PDZD2: variants seen among roughly 807,000 people sequenced by gnomAD.
PDZD2 encodes the protein PDZ domain containing 2, also known as PDZ domain-containing protein 2.
Under a neutral mutation model 220.7 loss-of-function variants are expected in PDZD2, and 90 were observed. The ratio of observed to expected loss-of-function variants is 0.41; its 90% CI spans 0.34 to 0.49. The LOEUF (loss-of-function observed/expected upper bound fraction) is 0.49, where lower values mean the gene tolerates loss of function less well. PDZD2 is among the 20% of genes least tolerant of loss of function. The pLI is 0.28. For synonymous variants in PDZD2, 1,375 were observed against 1,450.5 expected (o/e 0.95, Z 1.18); for missense variants, 3,174 against 3,608.5 (o/e 0.88, Z 3.08).
chr5:32,059,179 AT>A, intron 12 of PDZD2, 59 bp from the exon 13 acceptor site: 1 of 882,030 alleles, frequency 1.1e-6, no homozygotes, highest in Non-Finnish European at 1.9e-6. Flanking sequence ...TCAGTTACAC[AT>A]TTTTTCTAGT....
At chr5:31,743,871 ATGAC>A (rs1750420804) in intron 1 of PDZD2, 1 of 152,234 alleles carries the variant, frequency 6.6e-6, no homozygotes, top group Non-Finnish European at 1.5e-5. Context: ...AATCCAGACA[ATGAC>A]TGTGCATTTT....
intron 1 of PDZD2, among the ~76,000 whole-genome samples, chr5:31,687,794 G>A (rs1484616744): frequency 5.9e-5 from 9 of 152,180 alleles, no homozygotes; most frequent in East Asian, 1.9e-4. Context: ...CAGAGAGAGC[G>A]CGCTGATGTC....
chr5:32,012,991 G>T lies in PDZD2; in HGVS notation c.1407+2509G>T, dbSNP rs996836694. Among the ~76,000 whole-genome samples the T allele has an allele frequency of 4.6e-5, 7 of 151,974 alleles. No individual in the cohort carries two copies. In the South Asian group the frequency reaches 1.5e-3, roughly 32 times the overall value. On this transcript the variant is annotated intron_variant, in intron 6 of 24. Transcript: ENST00000438447. ...TGTTTTTGACCAAAAAAATCCTAGA[G>T]ACAGGATAAATCACCAACAATTCTG...
chr5:31,700,899 A>T (rs971411867), intron 1 of PDZD2, among the ~76,000 whole-genome samples: 1 of 152,186 alleles, frequency 6.6e-6, no homozygotes, highest in Non-Finnish European at 1.5e-5. Context: ...TCCGAATGTC[A>T]GGAGCTAGAC....
intron 2 of PDZD2, among the ~76,000 whole-genome samples, chr5:31,930,188 C>T (rs1036893150): frequency 5.6e-5 from 8 of 142,932 alleles, no homozygotes; most frequent in African/African-American, 2.1e-4. Flanking sequence ...TACCCAGTCT[C>T]AGGTATTCTT....
intron 19 of PDZD2, among the ~76,000 whole-genome samples, chr5:32,079,135 T>A (rs889237290): frequency 1.3e-5 from 2 of 151,526 alleles, no homozygotes; most frequent in South Asian, 4.2e-4. Context: ...GGTGCATGCC[T>A]GTAATCCTAG....
intron 2 of PDZD2, chr5:31,936,445 G>A (rs1745733673): frequency 1.8e-6 from 1 of 567,424 alleles, no homozygotes; most frequent in South Asian, 7.7e-5. Context: ...TTATATGAGA[G>A]ATGAGCAGGT....
chr5:31,986,492 C>T (rs1750730328), intron 3 of PDZD2, among the ~76,000 whole-genome samples: 1 of 152,084 alleles, frequency 6.6e-6, no homozygotes, highest in Non-Finnish European at 1.5e-5. Context: ...ACAGCTTTCC[C>T]CCACATTCTG....
chr5:31,675,054 A>G (rs400810), intron 1 of PDZD2, among the ~76,000 whole-genome samples: 15,514 of 152,188 alleles, frequency 0.1, 826 homozygotes, highest in East Asian at 0.16. Context: ...GATGGAAAGG[A>G]TGAGAACAGA....
intron 2 of PDZD2, among the ~76,000 whole-genome samples, chr5:31,949,719 C>T (rs1747009063): frequency 1.4e-5 from 2 of 146,756 alleles, no homozygotes; most frequent in African/African-American, 5.1e-5. Flanking sequence ...GTCGCTCAGG[C>T]TGGAGTGTGG....
chr5:31,809,219 A>G (rs1227869159), intron 2 of PDZD2, among the ~76,000 whole-genome samples: 1 of 152,148 alleles, frequency 6.6e-6, no homozygotes, highest in African/African-American at 2.4e-5. Context: ...CCATCTGACA[A>G]GCTGTGAGGA....
intron 1 of PDZD2, among the ~76,000 whole-genome samples, chr5:31,749,727 G>A (rs924372627): frequency 1.3e-5 from 2 of 151,998 alleles, no homozygotes; most frequent in Non-Finnish European, 1.5e-5. Context: ...CGGCTGTGAC[G>A]GTGTGATTGT....
intron 2 of PDZD2, among the ~76,000 whole-genome samples, chr5:31,956,556 A>AT (rs1259436995): frequency 1.4e-5 from 2 of 146,494 alleles, no homozygotes; most frequent in East Asian, 3.9e-4. Flanking sequence ...CAAAAAAAAA[A>AT]AAATAAATAA....
chr5:31,998,394 GC>G (rs568342725), intron 4 of PDZD2, among the ~76,000 whole-genome samples: 57 of 152,254 alleles, frequency 3.7e-4, no homozygotes, highest in Non-Finnish European at 7.4e-4. Context: ...TCCTGTTAAA[GC>G]CCAAATTCAT....
At chr5:31,852,593 T>C (rs1758124805) in intron 2 of PDZD2, among the ~76,000 whole-genome samples, 1 of 151,338 alleles carries the variant, frequency 6.6e-6, no homozygotes, top group Admixed American at 6.6e-5. Context: ...TGGACTTTAT[T>C]ATGTATTTAT....
chr5:31,965,821 C>A (rs1382194132), intron 2 of PDZD2, among the ~76,000 whole-genome samples: 1 of 152,168 alleles, frequency 6.6e-6, no homozygotes, highest in Non-Finnish European at 1.5e-5. Context: ...ATCACTTGAA[C>A]CCAAGAGGCA....
chr5:31,851,415 C>G (rs1561509268), intron 2 of PDZD2, among the ~76,000 whole-genome samples: 1 of 152,134 alleles, frequency 6.6e-6, no homozygotes, highest in Non-Finnish European at 1.5e-5. Context: ...TGATCCTCAC[C>G]TCTTTGTCAG....
intron 1 of PDZD2, among the ~76,000 whole-genome samples, chr5:31,658,612 G>A (rs1269581811): frequency 4.6e-5 from 7 of 151,594 alleles, no homozygotes; most frequent in African/African-American, 1.5e-4. Context: ...GGTCTATGTG[G>A]GCTGTTTTCA....
intron 1 of PDZD2, among the ~76,000 whole-genome samples, chr5:31,675,218 T>C (rs1459360938): frequency 6.6e-6 from 1 of 152,220 alleles, no homozygotes; most frequent in Non-Finnish European, 1.5e-5. Context: ...TTTGCTCTCA[T>C]TGTGCAGCTC....
Sources: allele counts gnomAD v4.1 joint callset (sites outside exome capture counted in the v4.1 genomes callset), GRCh38; gene constraint gnomAD v4.1.1; transcripts MANE v1.5; gene names NCBI Gene and HGNC (gene_info 2026-07-23, HGNC 2026-07-21).